The following LTN1 variants were observed in gnomAD, a reference collection of about 807,000 sequenced individuals.
LTN1 encodes the protein E3 ubiquitin-protein ligase listerin.
LTN1 carries 88 observed loss-of-function variants against 201.2 expected under a neutral mutation model. The observed-to-expected ratio is 0.44, with a 90% confidence interval of 0.37 to 0.52. LTN1 has a LOEUF of 0.52. Among genes scored for constraint, LTN1 ranks in the 20% least tolerant of loss-of-function variants. The probability of loss-of-function intolerance (pLI) is 0.00; values close to 1 mark genes in which losing one functional copy is unlikely to be tolerated. For missense variants in LTN1, 1,752 were observed against 2,038.7 expected (o/e 0.86, Z 2.71); for synonymous variants, 645 against 713.5 (o/e 0.90, Z 1.53).
At chr21:28,991,466 G>A (rs1467216450) in intron 1 of LTN1, among the ~76,000 whole-genome samples, 1 of 152,140 alleles carries the variant, frequency 6.6e-6, no homozygotes, top group Non-Finnish European at 1.5e-5. Context: ...ACATGCTGAT[G>A]TATTTAGGAG....
At chr21:28,972,452 C>T (rs1306140976) in intron 6 of LTN1, among the ~76,000 whole-genome samples, 3 of 142,900 alleles carry the variant, frequency 2.1e-5, no homozygotes, top group African/African-American at 7.8e-5. Context: ...CCCTCCATAT[C>T]CACGGGTTCC....
chr21:28,949,311 T>C (rs1254768499), intron 18 of LTN1, among the ~76,000 whole-genome samples: 1 of 152,218 alleles, frequency 6.6e-6, no homozygotes, highest in Non-Finnish European at 1.5e-5. Context: ...TTATATTTTG[T>C]CGCAGTTTTC....
intron 13 of LTN1, chr21:28,959,252 C>A: frequency 2.0e-6 from 1 of 494,710 alleles, no homozygotes; most frequent in Non-Finnish European, 3.5e-6. Flanking sequence ...CTTTGAATAT[C>A]AAGTGAGATC....
intron 6 of LTN1, among the ~76,000 whole-genome samples, chr21:28,980,217 T>C (rs2084647555): frequency 6.6e-6 from 1 of 151,974 alleles, no homozygotes; most frequent in South Asian, 2.1e-4. Context: ...GTGCTGTCTA[T>C]TGTATCTAGG....
chr21:28,987,128 C>A (rs1260342674), intron 1 of LTN1, among the ~76,000 whole-genome samples, 194 bp from the exon 2 acceptor site: 1 of 152,124 alleles, frequency 6.6e-6, no homozygotes, highest in Non-Finnish European at 1.5e-5. Flanking sequence ...CAATACTGAT[C>A]CTAGAAATTA....
chr21:28,991,139 A>G (rs1250160519), intron 1 of LTN1, among the ~76,000 whole-genome samples: 2 of 139,096 alleles, frequency 1.4e-5, no homozygotes, highest in South Asian at 2.3e-4. Flanking sequence ...TCTGTCCCCG[A>G]AAAAAAAAAA....
At chr21:28,930,625 GAAC>G (rs1478068247) in intron 29 of LTN1, 115 bp from the exon 30 acceptor site, 39 of 641,440 alleles carry the variant, frequency 6.1e-5, no homozygotes, top group Admixed American at 2.0e-4. Flanking sequence ...GAAAAGGGAA[GAAC>G]AATAAAATTT....
Position 28,984,717 on chromosome 21 carries a change from G to A in LTN1, c.551C>T (p.Ala184Val). The A allele has an allele frequency of 1.2e-6, 2 of 1,613,424 alleles. No homozygotes were observed. The highest frequency in any genetic ancestry group is 2.2e-5 in the South Asian group (2 of 91,038). ...FPPSKQPEAI[A>V]FCKDEITSVL... The stretch of plus-strand genomic sequence containing the variant: ...ACTTGTAATTTCATCCTTACAAAAT[G>A]CTATGGCTTCAGGTTGCTTGCTTGG... The change falls in exon 4 of 30, where the codon GCA becomes GTA. Residue 184 changes from alanine (A) to valine (V), a missense_variant. Transcript: ENST00000361371.
chr21:28,944,252 A>C (rs1029958143), intron 22 of LTN1, 131 bp downstream of exon 22: 24 of 701,290 alleles, frequency 3.4e-5, no homozygotes, highest in Non-Finnish European at 5.0e-5. Flanking sequence ...TGAGAAGCCA[A>C]GCTTTCTCTT....
chr21:28,985,235 G>A (rs945709640), intron 3 of LTN1, among the ~76,000 whole-genome samples: 5 of 152,012 alleles, frequency 3.3e-5, no homozygotes, highest in Non-Finnish European at 7.4e-5. Flanking sequence ...CGAGGCAGGC[G>A]GATTATTGGC....
intron 1 of LTN1, 77 bp downstream of exon 1, chr21:28,992,687 C>A (rs2084757085): frequency 6.4e-7 from 1 of 1,552,650 alleles, no homozygotes; most frequent in Non-Finnish European, 8.8e-7. Context: ...GCTCCACACA[C>A]CCTCCAGCAA....
chr21:28,958,900 G>C lies in LTN1; in HGVS notation c.2594-361C>G, dbSNP rs2084449494. 3.4e-5 allele frequency among the ~76,000 whole-genome samples: 5 copies of C among 147,886 alleles called. No homozygotes were observed. In the Admixed American group the frequency reaches 3.4e-4, roughly 10 times the overall value. ...AAGGGTTGGTAGCCAATGATGGGCAGAAAAAAAAGAGAGAGAGAAAGAGGA... is the reference window on the plus strand; with the variant it reads ...AAGGGTTGGTAGCCAATGATGGGCACAAAAAAAAGAGAGAGAGAAAGAGGA... On this transcript the variant is annotated intron_variant, in intron 13 of 29. Transcript: ENST00000361371.
In LTN1 at chr21:28,929,308, T is replaced by C. The variant is rs975929573; in HGVS notation, c.*1140A>G. The C allele has an allele frequency of 6.6e-6, 1 of 152,630 alleles. No individual in the cohort carries two copies. The highest frequency in any genetic ancestry group is 1.5e-5 in the Non-Finnish European group (1 of 68,004). The allele number at this position is 152,630 out of a possible 1,614,324, so 9.5% of individuals were successfully genotyped here. ...TATTAGATATGCTATTTCCATGTAA[T>C]GGAAGACTGCAATAAAATTATTCCA... On this transcript the variant is annotated 3_prime_UTR_variant, in exon 30 of 30. Coordinates refer to ENST00000361371, the MANE Select transcript of LTN1 (RefSeq NM_015565.3).
intron 11 of LTN1, 91 bp from the exon 12 acceptor site, chr21:28,960,797 G>T: frequency 1.2e-6 from 1 of 833,634 alleles, no homozygotes; most frequent in African/African-American, 1.7e-5. Flanking sequence ...CTATCCCTTC[G>T]TTATCATGGC....
intron 1 of LTN1, among the ~76,000 whole-genome samples, chr21:28,988,964 T>C (rs978420183): frequency 6.7e-6 from 1 of 148,648 alleles, no homozygotes; most frequent in African/African-American, 2.5e-5. Flanking sequence ...AAACTCCATT[T>C]CAAAAAAAAA....
intron 9 of LTN1, among the ~76,000 whole-genome samples, chr21:28,968,766 C>T (rs2084546891): frequency 6.6e-6 from 1 of 151,858 alleles, no homozygotes; most frequent in African/African-American, 2.4e-5. Context: ...CACCACCACA[C>T]CTGGCTAATT....
At chr21:28,971,661 CTCTT>C (rs1341169892) in intron 6 of LTN1, among the ~76,000 whole-genome samples, 1 of 152,196 alleles carries the variant, frequency 6.6e-6, no homozygotes, top group Non-Finnish European at 1.5e-5. Flanking sequence ...ATTCAACTTT[CTCTT>C]TCTTTGACTG....
intron 16 of LTN1, among the ~76,000 whole-genome samples, chr21:28,954,551 A>C (rs1018307260): frequency 6.6e-6 from 1 of 152,252 alleles, no homozygotes; most frequent in African/African-American, 2.4e-5. Flanking sequence ...CATTGGAATC[A>C]AAACAGCATG....
Position 28,966,395 on chromosome 21 carries a change from T to C in LTN1, c.2096A>G (p.Lys699Arg), listed in dbSNP as rs1246893620. The C allele has an allele frequency of 6.2e-7, 1 of 1,608,840 alleles. No individual in the cohort carries two copies. The highest frequency in any genetic ancestry group is 8.5e-7 in the Non-Finnish European group (1 of 1,178,708). ...CTTGGTTAGATCATCCAAGACTTTTTTTCTTTCCATATCATTGTCACAGCA... is the reference window on the plus strand; with the variant it reads ...CTTGGTTAGATCATCCAAGACTTTTCTTCTTTCCATATCATTGTCACAGCA... ...LRCCDNDMER[K>R]KVLDDLTKVD... Residue 699 changes from lysine (K) to arginine (R), a missense_variant, in exon 10 of 30, where the codon AAA (lysine) becomes AGA (arginine). Transcript: ENST00000361371.
Sources: gnomAD v4.1 joint callset for allele counts (sites outside exome capture counted in the v4.1 genomes callset) on GRCh38, gnomAD v4.1.1 for gene constraint, MANE v1.5 for transcripts, NCBI Gene and HGNC (gene_info 2026-07-23, HGNC 2026-07-21) for gene names.